The following ABLIM1 variants were observed in gnomAD, a reference collection of about 807,000 sequenced individuals.
ABLIM1 encodes actin binding LIM protein 1.
Under a neutral mutation model 107.0 loss-of-function variants are expected in ABLIM1, and 40 were observed. The observed-to-expected ratio is 0.37, with a 90% confidence interval of 0.29 to 0.49. The LOEUF (loss-of-function observed/expected upper bound fraction) is 0.49, where lower values mean the gene tolerates loss of function less well. ABLIM1 is among the 20% of genes least tolerant of loss of function. The probability of loss-of-function intolerance (pLI) is 0.97; values close to 1 mark genes in which losing one functional copy is unlikely to be tolerated. For missense variants in ABLIM1, 857 were observed against 1,008.5 expected (o/e 0.85, Z 2.04); for synonymous variants, 357 against 357.3 (o/e 1.00, Z 0.01).
intron 7 of ABLIM1, among the ~76,000 whole-genome samples, chr10:114,489,181 G>C (rs1420111255): frequency 6.6e-6 from 1 of 152,096 alleles, no homozygotes; most frequent in Non-Finnish European, 1.5e-5. Context: ...CCATGCCTGG[G>C]TGATTTTTGT....
chr10:114,725,899 C>T (rs1411408008), intron 1 of ABLIM1, among the ~76,000 whole-genome samples: 2 of 151,824 alleles, frequency 1.3e-5, no homozygotes, highest in African/African-American at 2.4e-5. Context: ...GTGCACACCA[C>T]CATGCACAGC....
At chr10:114,526,747 C>T (rs2064828205) in intron 6 of ABLIM1, 1 of 985,498 alleles carries the variant, frequency 1.0e-6, no homozygotes, top group African/African-American at 1.7e-5. Context: ...AGAACACGGC[C>T]AAGAGGCTTT....
At chr10:114,701,264 C>A (rs1268130384) in intron 1 of ABLIM1, among the ~76,000 whole-genome samples, 1 of 151,938 alleles carries the variant, frequency 6.6e-6, no homozygotes, top group Non-Finnish European at 1.5e-5. Context: ...ATTAAAATAC[C>A]AAATATTGGT....
At chr10:114,611,855 A>G (rs1356326595) in intron 1 of ABLIM1, among the ~76,000 whole-genome samples, 2 of 152,102 alleles carry the variant, frequency 1.3e-5, no homozygotes, top group African/African-American at 4.8e-5. Context: ...ACTCACTGAA[A>G]TGACACCCTT....
chr10:114,679,716 A>G (rs750438413), intron 1 of ABLIM1, among the ~76,000 whole-genome samples: 6 of 152,144 alleles, frequency 3.9e-5, no homozygotes, highest in Non-Finnish European at 8.8e-5. Context: ...AAAAATGCAA[A>G]ATGTCTCATT....
intron 1 of ABLIM1, among the ~76,000 whole-genome samples, chr10:114,626,293 G>A (rs191621070): frequency 6.6e-6 from 1 of 152,332 alleles, no homozygotes; most frequent in African/African-American, 2.4e-5. Flanking sequence ...CCAGCAGCTT[G>A]AGGCAGAAAG....
At chr10:114,468,868 G>T (rs570155793) in intron 10 of ABLIM1, among the ~76,000 whole-genome samples, 8 of 151,878 alleles carry the variant, frequency 5.3e-5, no homozygotes, top group Middle Eastern at 3.4e-3. Context: ...TGGCTAACAT[G>T]GTGAAACCCC....
intron 4 of ABLIM1, among the ~76,000 whole-genome samples, chr10:114,563,364 A>G (rs2070078710): frequency 6.6e-6 from 1 of 152,176 alleles, no homozygotes; most frequent in African/African-American, 2.4e-5. Flanking sequence ...TAGGACTTTA[A>G]GTGCTAGGCC....
chr10:114,587,908 G>C (rs1270041949), intron 2 of ABLIM1, among the ~76,000 whole-genome samples: 1 of 152,124 alleles, frequency 6.6e-6, no homozygotes. Flanking sequence ...GCTTCCACAA[G>C]TAAGCACCTT....
chr10:114,766,030 G>T (rs1361228965), intron 1 of ABLIM1, among the ~76,000 whole-genome samples: 1 of 152,166 alleles, frequency 6.6e-6, no homozygotes. Context: ...AATAACAGAA[G>T]TAGTAAAACA....
intron 6 of ABLIM1, among the ~76,000 whole-genome samples, chr10:114,495,563 T>C (rs2135326434): frequency 1.3e-5 from 2 of 152,138 alleles, no homozygotes; most frequent in East Asian, 1.9e-4. Flanking sequence ...AAGACAATGA[T>C]GGTGATGATG....
chr10:114,702,737 T>TCTCCTGACCTCGTGATCTGCC (rs1262820243), intron 1 of ABLIM1, among the ~76,000 whole-genome samples: 11 of 152,072 alleles, frequency 7.2e-5, no homozygotes, highest in Admixed American at 7.2e-4. Context: ...GTAGTCTCGA[T>TCTCCTGACCTCGTGATCTGCC]CTCCTGACCT....
intron 1 of ABLIM1, among the ~76,000 whole-genome samples, chr10:114,737,732 A>G (rs530923430): frequency 2.0e-5 from 3 of 152,352 alleles, no homozygotes; most frequent in Non-Finnish European, 4.4e-5. Context: ...GTTGCTACCT[A>G]ACACAGAAAA....
chr10:114,585,903 G>C (rs982076399), intron 2 of ABLIM1, among the ~76,000 whole-genome samples: 4 of 152,078 alleles, frequency 2.6e-5, no homozygotes, highest in African/African-American at 9.7e-5. Flanking sequence ...TCCTCGTCTC[G>C]ACTGCAAGCT....
intron 10 of ABLIM1, among the ~76,000 whole-genome samples, chr10:114,470,835 G>A (rs568044637): frequency 5.9e-5 from 9 of 151,838 alleles, no homozygotes; most frequent in African/African-American, 9.7e-5. Flanking sequence ...AGTCAGCATC[G>A]GTCTGGTTTT....
chr10:114,748,659 C>A (rs78464252), intron 1 of ABLIM1, among the ~76,000 whole-genome samples: 1 of 121,564 alleles, frequency 8.2e-6, no homozygotes, highest in Non-Finnish European at 1.8e-5. Flanking sequence ...TTTTTTTTTT[C>A]TTTTTTTTTT....
At chr10:114,740,376 C>T (rs1033727020) in intron 1 of ABLIM1, among the ~76,000 whole-genome samples, 3 of 152,176 alleles carry the variant, frequency 2.0e-5, no homozygotes, top group African/African-American at 7.2e-5. Flanking sequence ...CTTTCTTCCC[C>T]CTTCCCTACC....
At chr10:114,786,130 A>C in the ABLIM1 span, among the ~76,000 whole-genome samples, 1 of 151,926 alleles carries the variant, frequency 6.6e-6, no homozygotes, top group Non-Finnish European at 1.5e-5. Flanking sequence ...ATTTATTGCT[A>C]TTTGAAAAAG....
intron 1 of ABLIM1, among the ~76,000 whole-genome samples, chr10:114,649,674 C>T (rs940857994): frequency 3.9e-5 from 6 of 152,044 alleles, no homozygotes; most frequent in Admixed American, 1.3e-4. Flanking sequence ...GACTATGCTT[C>T]CTTCCTGTTG....
Sources: gnomAD v4.1 joint callset for allele counts (sites outside exome capture counted in the v4.1 genomes callset) on GRCh38, gnomAD v4.1.1 for gene constraint, MANE v1.5 for transcripts, NCBI Gene and HGNC (gene_info 2026-07-23, HGNC 2026-07-21) for gene names.